SYNPR: variants seen among roughly 807,000 people sequenced by gnomAD.
The protein encoded by SYNPR is synaptoporin.
Under a neutral mutation model 32.9 loss-of-function variants are expected in SYNPR, and 23 were observed. The observed-to-expected ratio is 0.70, with a 90% CI of 0.50 to 0.99. SYNPR has a LOEUF of 0.99. Ranked by LOEUF, SYNPR falls within the 50% of genes least tolerant of loss-of-function variation. The pLI is 0.00. For synonymous variants in SYNPR, 146 were observed against 135.9 expected (o/e 1.07, Z -0.52); for missense variants, 318 against 349.3 (o/e 0.91, Z 0.71).
chr3:63,350,571 A>C lies in SYNPR; in HGVS notation c.84+71829A>C, dbSNP rs965629585. Among the ~76,000 whole-genome samples the C allele has an allele frequency of 2.6e-5, 4 of 152,240 alleles. No individual in the cohort carries two copies. The South Asian group carries it at 6.2e-4, about 24-fold the overall frequency. ...ACACATGCACTTTGCAGTGAAGAGA[A>C]GAGACACTGCACTATTATGCAAAAC... On this transcript the variant is annotated intron_variant, in intron 2 of 5. Coordinates refer to ENST00000478300, the MANE Select transcript of SYNPR (RefSeq NM_001130003.2).
intron 2 of SYNPR, among the ~76,000 whole-genome samples, chr3:63,307,883 G>T (rs1182814114): frequency 1.3e-5 from 2 of 151,900 alleles, no homozygotes; most frequent in Non-Finnish European, 2.9e-5. Context: ...TGGTACTGAG[G>T]GACTAATAGA....
intron 2 of SYNPR, among the ~76,000 whole-genome samples, chr3:63,359,840 T>C (rs1243704305): frequency 6.6e-6 from 1 of 152,216 alleles, no homozygotes; most frequent in Non-Finnish European, 1.5e-5. Context: ...TTAGTGTCTT[T>C]GGCTATAAAC....
At chr3:63,307,013 G>C (rs1289493249) in intron 2 of SYNPR, among the ~76,000 whole-genome samples, 1 of 152,028 alleles carries the variant, frequency 6.6e-6, no homozygotes, top group Non-Finnish European at 1.5e-5. Flanking sequence ...GTCTGTGCTA[G>C]GCACTGTGCT....
chr3:63,210,703 T>G, the SYNPR span, among the ~76,000 whole-genome samples: 1 of 152,164 alleles, frequency 6.6e-6, no homozygotes, highest in Admixed American at 6.5e-5. Flanking sequence ...AAACAAAAAT[T>G]ATGCCATCCA....
At chr3:63,275,662 C>T (rs2086568571), upstream of SYNPR, among the ~76,000 whole-genome samples, 1 of 152,126 alleles carries the variant, frequency 6.6e-6, no homozygotes, top group African/African-American at 2.4e-5. Flanking sequence ...ATGTAGATGA[C>T]CTTAGGCATG....
At chr3:63,359,459 G>A (rs1224001365) in intron 2 of SYNPR, among the ~76,000 whole-genome samples, 1 of 152,188 alleles carries the variant, frequency 6.6e-6, no homozygotes, top group Non-Finnish European at 1.5e-5. Context: ...TGTGCTACCA[G>A]AAAATAAAAA....
intron 2 of SYNPR, among the ~76,000 whole-genome samples, chr3:63,388,634 G>C (rs1208229640): frequency 6.6e-6 from 1 of 150,840 alleles, no homozygotes; most frequent in Non-Finnish European, 1.5e-5. Context: ...GTTGGCCAGG[G>C]TGGTCTTGAT....
chr3:63,401,989 A>G (rs1335260777), intron 2 of SYNPR, among the ~76,000 whole-genome samples: 2 of 152,132 alleles, frequency 1.3e-5, no homozygotes, highest in African/African-American at 2.4e-5. Context: ...CAGTTTGCTG[A>G]TCCTAAGAGA....
Position 63,455,805 on chromosome 3 carries a change from A to C in SYNPR, c.85-25027A>C, listed in dbSNP as rs138540802. ...TGTGTGTGGATCTTCAGATGTTCTC[A>C]AAGTCAAATGTCAACTGCTTTATCC... On this transcript the variant is annotated intron_variant, in intron 2 of 5. Transcript: ENST00000478300. 7.2e-3 allele frequency among the ~76,000 whole-genome samples: 1,006 copies of C among 138,796 alleles called. 7 individuals are homozygous for C. The highest frequency in any genetic ancestry group is 0.028 in the African/African-American group (935 of 33,986). 91.1% of individuals were successfully genotyped at this position (138,796 alleles called of 152,430 possible). A position where few individuals can be genotyped will look rare whatever the true frequency, so the allele number is the denominator to read the frequency against.
At chr3:63,537,881 T>G (rs1337459718) in intron 3 of SYNPR, among the ~76,000 whole-genome samples, 1 of 152,138 alleles carries the variant, frequency 6.6e-6, no homozygotes, top group Non-Finnish European at 1.5e-5. Flanking sequence ...GGAATATTCT[T>G]GTACAACTAA....
At chr3:63,447,316 T>C (rs1248475895) in intron 2 of SYNPR, among the ~76,000 whole-genome samples, 1 of 152,188 alleles carries the variant, frequency 6.6e-6, no homozygotes, top group Non-Finnish European at 1.5e-5. Context: ...GGTGACTAAA[T>C]TCCAAATCAA....
chr3:63,536,958 C>T (rs1022912800), intron 3 of SYNPR, among the ~76,000 whole-genome samples: 18 of 151,962 alleles, frequency 1.2e-4, no homozygotes, highest in South Asian at 6.2e-4. Context: ...GAATGGGATA[C>T]GACTGCTAAT....
chr3:63,260,373 A>G (rs2086428055), intron 2 of SYNPR, among the ~76,000 whole-genome samples: 1 of 152,194 alleles, frequency 6.6e-6, no homozygotes, highest in Non-Finnish European at 1.5e-5. Flanking sequence ...CAAAACAGAG[A>G]TATAGACCAA....
intron 2 of SYNPR, among the ~76,000 whole-genome samples, chr3:63,402,584 T>C (rs1449616567): frequency 6.6e-6 from 1 of 152,134 alleles, no homozygotes; most frequent in Admixed American, 6.5e-5. Context: ...TTTGTGACAG[T>C]GGGCATAGCT....
Position 63,616,152 on chromosome 3 carries a change from T to G in SYNPR, c.*671T>G, listed in dbSNP as rs1360870872. ...ACTTTGCAAATTTGTCTCTCTGGCT[T>G]TACCCAAGTTCTGAATGCATTGTAA... is the stretch of plus-strand genomic sequence containing the variant. On this transcript the variant is annotated 3_prime_UTR_variant, in exon 6 of 6. Coordinates refer to ENST00000478300, the MANE Select transcript of SYNPR (RefSeq NM_001130003.2). The G allele has an allele frequency of 6.6e-6, 1 of 152,244 alleles. No homozygotes were observed. Among genetic ancestry groups the G allele is most frequent in the African/African-American group, 2.4e-5 (1 of 41,468 alleles). The allele number at this position is 152,244 out of a possible 1,614,324, so 9.4% of individuals were successfully genotyped here.
chr3:63,324,887 C>T (rs959468817), intron 2 of SYNPR, among the ~76,000 whole-genome samples: 2 of 152,010 alleles, frequency 1.3e-5, no homozygotes, highest in African/African-American at 4.8e-5. Context: ...CAGGAGAGAG[C>T]ACAACAAATA....
At chr3:63,260,316 A>G (rs897411369) in intron 2 of SYNPR, among the ~76,000 whole-genome samples, 2 of 152,208 alleles carry the variant, frequency 1.3e-5, no homozygotes, top group East Asian at 1.9e-4. Context: ...CCTGACATCA[A>G]ACTATACTAC....
chr3:63,556,841 G>T, intron 4 of SYNPR, 100 bp downstream of exon 4: 3 of 1,128,678 alleles, frequency 2.7e-6, no homozygotes, highest in East Asian at 2.6e-5. Flanking sequence ...CGGGTTAGGT[G>T]TTTGAAAGGA....
At chr3:63,391,980 C>T (rs1275611153) in intron 2 of SYNPR, among the ~76,000 whole-genome samples, 2 of 152,316 alleles carry the variant, frequency 1.3e-5, no homozygotes, top group African/African-American at 4.8e-5. Flanking sequence ...CTAAGCTGCG[C>T]AACCTCTTCT....
Sources: allele counts gnomAD v4.1 joint callset (sites outside exome capture counted in the v4.1 genomes callset), GRCh38; gene constraint gnomAD v4.1.1; transcripts MANE v1.5; gene names NCBI Gene and HGNC (gene_info 2026-07-23, HGNC 2026-07-21).